CAP2: variants seen among roughly 807,000 people sequenced by gnomAD.
The protein encoded by CAP2 is cyclase associated actin cytoskeleton regulatory protein 2.
CAP2 carries 24 observed loss-of-function variants against 57.7 expected under a neutral mutation model. The ratio of observed to expected loss-of-function variants is 0.42; its 90% CI spans 0.30 to 0.58. The LOEUF is 0.58. Among genes scored for constraint, CAP2 ranks in the 20% least tolerant of loss-of-function variants. The probability of loss-of-function intolerance (pLI) is 0.22; values close to 1 mark genes in which losing one functional copy is unlikely to be tolerated. For synonymous variants in CAP2, 194 were observed against 207.2 expected, an observed-to-expected ratio of 0.94 and a Z score of 0.55; for missense variants, 501 against 590.3, an observed-to-expected ratio of 0.85 and a Z score of 1.57.
intron 7 of CAP2, among the ~76,000 whole-genome samples, chr6:17,529,264 T>G (rs1762580823): frequency 6.6e-6 from 1 of 152,214 alleles, no homozygotes; most frequent in Non-Finnish European, 1.5e-5. Context: ...TTAACAAATT[T>G]GGAAAGGTGT....
chr6:17,520,413 C>G (rs999813114), intron 7 of CAP2, among the ~76,000 whole-genome samples: 3 of 152,088 alleles, frequency 2.0e-5, no homozygotes, highest in African/African-American at 7.2e-5. Flanking sequence ...AAGCTGCACC[C>G]AGCCAATGTA....
At position 17,438,438 on chromosome 6, in the gene CAP2, T is replaced by TTTG. The variant is rs1561783591; in HGVS notation, c.222+11750_222+11751insGTT. Reference sequence around the variant, plus strand: ...TTGTTTGACCATCCAGAAGTGTTTTTTTTTTTTTTTTTTTTTTTGAGACGG... The same window carrying TTTG: ...TTGTTTGACCATCCAGAAGTGTTTTTTTGTTTTTTTTTTTTTTTTTTGAGACGG... On this transcript the variant is annotated intron_variant, in intron 3 of 12. Transcript: ENST00000229922. 1.1e-4 allele frequency among the ~76,000 whole-genome samples: 3 copies of TTTG among 26,252 alleles called. 1 individual carries two copies. Among genetic ancestry groups the TTTG allele is most frequent in the African/African-American group, 6.2e-4 (3 of 4,818 alleles). 17.2% of individuals were successfully genotyped at this position (26,252 alleles called of 152,430 possible). A position where few individuals can be genotyped will look rare whatever the true frequency, so the allele number is the denominator to read the frequency against.
At chr6:17,514,820 A>G (rs368314550) in intron 7 of CAP2, among the ~76,000 whole-genome samples, 38 of 152,340 alleles carry the variant, frequency 2.5e-4, no homozygotes, top group African/African-American at 7.9e-4. Flanking sequence ...GAAACACTCT[A>G]CAGCCATTAA....
chr6:17,424,639 C>T (rs895906184), intron 2 of CAP2, among the ~76,000 whole-genome samples: 3 of 152,164 alleles, frequency 2.0e-5, no homozygotes, highest in South Asian at 2.1e-4. Context: ...ATACACAGTC[C>T]TAATGCTCCA....
At chr6:17,419,735 G>A (rs1759382895) in intron 1 of CAP2, among the ~76,000 whole-genome samples, 1 of 152,012 alleles carries the variant, frequency 6.6e-6, no homozygotes, top group Non-Finnish European at 1.5e-5. Context: ...CCAGGCTGGA[G>A]TGCAGTGGCG....
At chr6:17,521,050 T>TG (rs1762379672) in intron 7 of CAP2, among the ~76,000 whole-genome samples, 1 of 152,200 alleles carries the variant, frequency 6.6e-6, no homozygotes, top group Middle Eastern at 3.2e-3. Flanking sequence ...AGGTCCCTTC[T>TG]GGGGCTCTGG....
At chr6:17,537,025 A>G (rs1762789287) in intron 7 of CAP2, among the ~76,000 whole-genome samples, 1 of 152,214 alleles carries the variant, frequency 6.6e-6, no homozygotes, top group Non-Finnish European at 1.5e-5. Context: ...TTTCTTAGAA[A>G]CAAAGACTAT....
intron 3 of CAP2, among the ~76,000 whole-genome samples, chr6:17,434,231 C>CTTTTTTTTT (rs1219210615): frequency 7.3e-6 from 1 of 137,114 alleles, no homozygotes; most frequent in African/African-American, 3.1e-5. Flanking sequence ...CTCTTTTTTT[C>CTTTTTTTTT]TTTCTTTTTT....
rs1762388861 is a variant in CAP2, at chr6:17,521,404, C to T, written c.636+7450C>T. Among the ~76,000 whole-genome samples, 3 of 151,554 alleles carry T rather than the reference C, an allele frequency of 2.0e-5. No individual in the cohort carries two copies. In the East Asian group the frequency reaches 5.9e-4, roughly 30 times the overall value. On this transcript the variant is annotated intron_variant, in intron 7 of 12. Transcript: ENST00000229922. ...CTGCACTCCAGCCTGGGCCACAGAGCGAGACTCCGTCTCAGAAAAAAAAAA... is the reference window on the plus strand; with the variant it reads ...CTGCACTCCAGCCTGGGCCACAGAGTGAGACTCCGTCTCAGAAAAAAAAAA...
intron 11 of CAP2, among the ~76,000 whole-genome samples, chr6:17,547,734 A>G (rs895350702): frequency 5.3e-5 from 8 of 151,698 alleles, no homozygotes; most frequent in Admixed American, 1.3e-4. Flanking sequence ...CCAGCTACTC[A>G]GGAGGCTGAG....
At chr6:17,490,529 A>G (rs1292204242) in intron 4 of CAP2, among the ~76,000 whole-genome samples, 2 of 152,270 alleles carry the variant, frequency 1.3e-5, no homozygotes, top group Non-Finnish European at 2.9e-5. Context: ...AGAGGATTAT[A>G]AAACACTTGC....
At chr6:17,403,787 T>C (rs1236262128) in intron 1 of CAP2, among the ~76,000 whole-genome samples, 1 of 152,178 alleles carries the variant, frequency 6.6e-6, no homozygotes, top group African/African-American at 2.4e-5. Flanking sequence ...GCAAAATTTG[T>C]GACTATTAAA....
At chr6:17,460,033 T>C (rs906132086) in intron 3 of CAP2, among the ~76,000 whole-genome samples, 2 of 152,144 alleles carry the variant, frequency 1.3e-5, no homozygotes, top group African/African-American at 2.4e-5. Context: ...AACGCAAACA[T>C]ATCTTAGTGA....
At chr6:17,505,277 AGGAGGGTAT>A (rs577151934) in intron 4 of CAP2, among the ~76,000 whole-genome samples, 288 of 152,338 alleles carry the variant, frequency 1.9e-3, no homozygotes, top group African/African-American at 6.6e-3. Context: ...TTCTTTTCAG[AGGAGGGTAT>A]ATAAAGGGGT....
chr6:17,534,072 T>G (rs903497425), intron 7 of CAP2, among the ~76,000 whole-genome samples: 1 of 152,220 alleles, frequency 6.6e-6, no homozygotes, highest in Non-Finnish European at 1.5e-5. Flanking sequence ...CCAGGATACC[T>G]CCATTCAGTT....
At chr6:17,429,406 GC>G (rs1759672393) in intron 3 of CAP2, among the ~76,000 whole-genome samples, 1 of 151,728 alleles carries the variant, frequency 6.6e-6, no homozygotes, top group African/African-American at 2.4e-5. Context: ...CTAGATAGAA[GC>G]TTTTTACAAG....
At chr6:17,394,564 C>T (rs1758623140) in intron 1 of CAP2, among the ~76,000 whole-genome samples, 1 of 152,120 alleles carries the variant, frequency 6.6e-6, no homozygotes, top group Admixed American at 6.5e-5. Flanking sequence ...TCCAAACAGC[C>T]AGAGTGGAGA....
intron 1 of CAP2, among the ~76,000 whole-genome samples, chr6:17,403,098 T>TTTA: frequency 6.6e-6 from 1 of 152,194 alleles, no homozygotes; most frequent in East Asian, 1.9e-4. Context: ...TTATTTTTAT[T>TTTA]TTATTATTAT....
At chr6:17,554,409 A>G (rs895781535) in intron 12 of CAP2, among the ~76,000 whole-genome samples, 2 of 152,142 alleles carry the variant, frequency 1.3e-5, no homozygotes, top group African/African-American at 4.8e-5. Context: ...GTGGCTCTTC[A>G]GCAGCACTAC....
Sources: allele counts gnomAD v4.1 joint callset (sites outside exome capture counted in the v4.1 genomes callset), GRCh38; gene constraint gnomAD v4.1.1; transcripts MANE v1.5; gene names NCBI Gene and HGNC (gene_info 2026-07-23, HGNC 2026-07-21).